CLN6: variants seen among roughly 807,000 people sequenced by gnomAD.
CLN6 encodes ceroid-lipofuscinosis neuronal protein 6.
A neutral mutation model predicts 33.3 loss-of-function variants in CLN6; 22 were observed. The observed-to-expected ratio is 0.66, with a 90% CI of 0.47 to 0.94. CLN6 has a LOEUF of 0.94. Among genes scored for constraint, CLN6 ranks in the 40% least tolerant of loss-of-function variants. CLN6 has a pLI of 0.00. For missense variants in CLN6, 387 were observed against 417.1 expected, an observed-to-expected ratio of 0.93 and a Z score of 0.63; for synonymous variants, 201 against 174.6, an observed-to-expected ratio of 1.15 and a Z score of -1.19.
intron 1 of CLN6, among the ~76,000 whole-genome samples, chr15:68,249,700 CAGTT>C (rs569971277): frequency 3.2e-4 from 49 of 152,274 alleles, no homozygotes; most frequent in Admixed American, 6.5e-4. Context: ...TACAAATACA[CAGTT>C]AGGTAGAAGA....
intron 1 of CLN6, among the ~76,000 whole-genome samples, chr15:68,245,693 T>C (rs553667436): frequency 6.6e-6 from 1 of 152,300 alleles, no homozygotes; most frequent in African/African-American, 2.4e-5. Context: ...TAAGTTTAAT[T>C]GGAGAATTCA....
rs768932425 is a variant in CLN6, at chr15:68,256,055, C to T, written c.179+635G>A. 3.1e-4 allele frequency among the ~76,000 whole-genome samples: 47 copies of T among 152,098 alleles called. No homozygotes were observed. The highest frequency in any genetic ancestry group is 5.9e-4 in the Non-Finnish European group (40 of 68,012). ...CCTCCTTCTTCGACCTCCCAAAGTG[C>T]TAGAATTACAGGCATGAGTCACCGC... On this transcript the variant is annotated intron_variant, in intron 1 of 6. Coordinates refer to the CLN6 transcript ENST00000538696. This position sits in a 1 kb window ranked among gnomAD's most constrained non-coding sequence, Gnocchi z 4.1.
At chr15:68,225,488 TA>T in intron 1 of CLN6, among the ~76,000 whole-genome samples, 1 of 152,146 alleles carries the variant, frequency 6.6e-6, no homozygotes, top group East Asian at 1.9e-4. Flanking sequence ...ATCATCTTTT[TA>T]TTTTAGTTTT....
chr15:68,214,214 G>A (rs2093214123), intron 3 of CLN6, 76 bp downstream of exon 3: 1 of 1,135,590 alleles, frequency 8.8e-7, no homozygotes, highest in Non-Finnish European at 1.3e-6. Flanking sequence ...TCAGGACACA[G>A]GGCTTAGCAT....
upstream of CLN6, among the ~76,000 whole-genome samples, chr15:68,230,707 C>T (rs886992710): frequency 4.6e-5 from 7 of 152,162 alleles, no homozygotes; most frequent in African/African-American, 1.7e-4. The surrounding 1 kb of genome is among the most constrained non-coding windows in gnomAD (Gnocchi z 4.0). Flanking sequence ...GAGAGCCCAG[C>T]ACTGGTGGAC....
rs1458952464 is a variant in CLN6 at position 68,214,084 on chromosome 15, G to A, written c.297+206C>T. 7.4e-6 allele frequency: 4 copies of A among 541,886 alleles called. No homozygotes were observed. In the East Asian group the frequency reaches 1.3e-4, roughly 17 times the overall value. The allele number at this position is 541,886 out of a possible 1,614,324, so 33.6% of individuals were successfully genotyped here. A position where few individuals can be genotyped will look rare whatever the true frequency, so the allele number is the denominator to read the frequency against. ...AGGCTCAAATCAAAAGCCCTTTCTT[G>A]GGGCATATTTTCCATCCCTCCAGGC... On this transcript the variant is annotated intron_variant, in intron 3 of 6. Transcript: ENST00000249806.
Position 68,208,035 on chromosome 15 carries a change from C to G in CLN6, c.*105G>C. The G allele has an allele frequency of 7.8e-7, 1 of 1,284,556 alleles. No individual in the cohort carries two copies. Among genetic ancestry groups the G allele is most frequent in the South Asian group, 1.3e-5 (1 of 76,726 alleles). The allele number at this position is 1,284,556 out of a possible 1,614,324, so 79.6% of individuals were successfully genotyped here. A position where few individuals can be genotyped will look rare whatever the true frequency, so the allele number is the denominator to read the frequency against. ...ACACGAGGCACACCCCACTCATGCT[C>G]TCGGTCTCTGGTTACACACCCACAC... is the stretch of plus-strand genomic sequence containing the variant. On this transcript the variant is annotated 3_prime_UTR_variant, in exon 7 of 7. Transcript: ENST00000249806. The surrounding 1 kb of genome is among the most constrained non-coding windows in gnomAD (Gnocchi z 5.8).
rs1394236893 is a variant in CLN6, at chr15:68,209,863, T to A, written c.543-104A>T. On this transcript the variant is annotated intron_variant, in intron 5 of 6. Transcript: ENST00000249806. This position sits in a 1 kb window ranked among gnomAD's most constrained non-coding sequence, Gnocchi z 4.9. ...GTCTCATGGAGTGCCACGTCACAGTTTACAAAACGCCTAGCCTGGGTGAGA... is the reference window on the plus strand; with the variant it reads ...GTCTCATGGAGTGCCACGTCACAGTATACAAAACGCCTAGCCTGGGTGAGA... 1.3e-6 allele frequency: 2 copies of A among 1,523,934 alleles called. No homozygotes were observed. Among genetic ancestry groups the A allele is most frequent in the Admixed American group, 1.7e-5 (1 of 59,104 alleles). The allele number at this position is 1,523,934 out of a possible 1,614,324, so 94.4% of individuals were successfully genotyped here.
At chr15:68,245,493 G>A (rs763275830) in intron 1 of CLN6, among the ~76,000 whole-genome samples, 1 of 152,008 alleles carries the variant, frequency 6.6e-6, no homozygotes, top group African/African-American at 2.4e-5. Flanking sequence ...TGAGTCGAGG[G>A]AAGTTGAGGT....
chr15:68,215,388 T>C (rs138229610), intron 2 of CLN6: 24 of 152,322 alleles, frequency 1.6e-4, no homozygotes, highest in Admixed American at 6.5e-4. Context: ...GACTCTTCAA[T>C]CAAACAGGAC....
At position 68,207,926 on chromosome 15, in the gene CLN6, TTGACGGAA is replaced by T. The variant is rs2093191988; in HGVS notation, c.*206_*213del. The T allele has an allele frequency of 6.6e-6, 4 of 604,582 alleles. No homozygotes were observed. The highest frequency in any genetic ancestry group is 1.2e-5 in the Non-Finnish European group (4 of 341,706). 37.5% of individuals were successfully genotyped at this position (604,582 alleles called of 1,614,324 possible). A position where few individuals can be genotyped will look rare whatever the true frequency, so the allele number is the denominator to read the frequency against. On this transcript the variant is annotated 3_prime_UTR_variant, in exon 7 of 7. Coordinates refer to ENST00000249806, the MANE Select transcript of CLN6 (RefSeq NM_017882.3). Reference sequence around the variant, plus strand: ...GAGATGATCCAAATCAAACAGAAACTTGACGGAAATAGTAGAGTCTGAAAATGATGCAC... The same window carrying T: ...GAGATGATCCAAATCAAACAGAAACTATAGTAGAGTCTGAAAATGATGCAC...
chr15:68,223,589 G>A (rs2093243856), intron 1 of CLN6, among the ~76,000 whole-genome samples: 1 of 152,184 alleles, frequency 6.6e-6, no homozygotes, highest in Non-Finnish European at 1.5e-5. Flanking sequence ...GGAATAAAGG[G>A]ATTTTGGAAG....
At chr15:68,214,723 G>A (rs1360031062) in intron 2 of CLN6, 2 of 351,292 alleles carry the variant, frequency 5.7e-6, no homozygotes, top group East Asian at 7.2e-5. Context: ...AGGCTTCTCA[G>A]GGACTCCGTT....
intron 1 of CLN6, among the ~76,000 whole-genome samples, chr15:68,253,739 A>G (rs889252554): frequency 6.6e-6 from 1 of 152,236 alleles, no homozygotes; most frequent in African/African-American, 2.4e-5. Flanking sequence ...GTCGGCAGAT[A>G]CTTCTTTTTT....
chr15:68,251,956 T>A lies in CLN6; in HGVS notation c.179+4734A>T, dbSNP rs1385039140. 2.0e-4 allele frequency among the ~76,000 whole-genome samples: 30 copies of A among 150,524 alleles called. No homozygotes were observed. In the Admixed American group the frequency reaches 2.0e-3, roughly 10 times the overall value. On this transcript the variant is annotated intron_variant, in intron 1 of 6. Transcript: ENST00000538696. Reference sequence around the variant, plus strand: ...ATGTGCGTGTGTATGTGTGTGTGTGTATGTGTGAATCTTTTTTTTTTTTTT... The same window carrying A: ...ATGTGCGTGTGTATGTGTGTGTGTGAATGTGTGAATCTTTTTTTTTTTTTT...
intron 1 of CLN6, among the ~76,000 whole-genome samples, chr15:68,222,469 G>C (rs1344014834): frequency 3.8e-4 from 46 of 122,636 alleles, no homozygotes; most frequent in Middle Eastern, 6.6e-3. Context: ...GGTGAGGAGC[G>C]CCTCTGCCCG....
chr15:68,208,023 C>T lies in CLN6; in HGVS notation c.*117G>A. 1.8e-6 allele frequency: 2 copies of T among 1,109,306 alleles called. No individual in the cohort carries two copies. The highest frequency in any genetic ancestry group is 2.6e-6 in the Non-Finnish European group (2 of 758,486). The allele number at this position is 1,109,306 out of a possible 1,614,324, so 68.7% of individuals were successfully genotyped here. On this transcript the variant is annotated 3_prime_UTR_variant, in exon 7 of 7. Coordinates refer to ENST00000249806, the MANE Select transcript of CLN6 (RefSeq NM_017882.3). This position sits in a 1 kb window ranked among gnomAD's most constrained non-coding sequence, Gnocchi z 5.8. ...ACGAATCCACGCACACGAGGCACAC[C>T]CCACTCATGCTCTCGGTCTCTGGTT...
At chr15:68,235,281 C>T (rs1374980019) in intron 1 of CLN6, among the ~76,000 whole-genome samples, 1 of 152,060 alleles carries the variant, frequency 6.6e-6, no homozygotes, top group Non-Finnish European at 1.5e-5. Flanking sequence ...GCCTCTGGGA[C>T]CTGCATTCTC....
chr15:68,211,392 T>A lies in CLN6; in HGVS notation c.487-74A>T. ...CAGGGAGGTGCTGGGGCCCCAAGCA[T>A]CCCCTCTGACCACCCTTCTCCCAGT... On this transcript the variant is annotated intron_variant, in intron 4 of 6. Transcript: ENST00000249806. The surrounding 1 kb of genome is among the most constrained non-coding windows in gnomAD (Gnocchi z 5.9). The A allele has an allele frequency of 6.4e-7, 1 of 1,566,586 alleles. No homozygotes were observed. Among genetic ancestry groups the A allele is most frequent in the Admixed American group, 1.7e-5 (1 of 59,894 alleles).
Sources: allele counts gnomAD v4.1 joint callset (sites outside exome capture counted in the v4.1 genomes callset), GRCh38; gene constraint gnomAD v4.1.1; non-coding constraint Gnocchi (gnomAD v3.1); transcripts MANE v1.5; gene names NCBI Gene and HGNC (gene_info 2026-07-23, HGNC 2026-07-21).